Variants in TAFA2 observed in about 807,000 individuals in gnomAD.
TAFA2 encodes TAFA chemokine like family member 2.
Under a neutral mutation model 18.8 loss-of-function variants are expected in TAFA2, and 7 were observed. The observed-to-expected ratio is 0.37, with a 90% CI of 0.21 to 0.70. The LOEUF (loss-of-function observed/expected upper bound fraction) is 0.70, where lower values mean the gene tolerates loss of function less well. Ranked by LOEUF, TAFA2 falls within the 30% of genes least tolerant of loss-of-function variation. The pLI is 0.53. For missense variants in TAFA2, 122 were observed against 158.1 expected (o/e 0.77, Z 1.23); for synonymous variants, 60 against 54.2 (o/e 1.11, Z -0.47).
intron 1 of TAFA2, among the ~76,000 whole-genome samples, chr12:62,186,337 A>G (rs1413480122): frequency 6.6e-6 from 1 of 152,122 alleles, no homozygotes; most frequent in Non-Finnish European, 1.5e-5. Context: ...ATTTATTTAT[A>G]TTTAGTAAAA....
At chr12:61,800,644 A>C (rs1871365296) in intron 2 of TAFA2, among the ~76,000 whole-genome samples, 1 of 152,176 alleles carries the variant, frequency 6.6e-6, no homozygotes, top group South Asian at 2.1e-4. Flanking sequence ...AAAAAGGAGC[A>C]AAAGCAGCAA....
chr12:62,227,965 A>G (rs1010076067), intron 1 of TAFA2, among the ~76,000 whole-genome samples: 4 of 151,944 alleles, frequency 2.6e-5, no homozygotes, highest in African/African-American at 9.7e-5. Flanking sequence ...CCATGGGTCT[A>G]TGTATATGTT....
At chr12:62,118,868 A>C (rs1160613235) in intron 1 of TAFA2, among the ~76,000 whole-genome samples, 2 of 152,134 alleles carry the variant, frequency 1.3e-5, no homozygotes. Context: ...CGTTATGTAG[A>C]TTGTCAACTA....
At chr12:61,927,224 G>A (rs1278366813) in intron 1 of TAFA2, among the ~76,000 whole-genome samples, 1 of 152,094 alleles carries the variant, frequency 6.6e-6, no homozygotes, top group Admixed American at 6.5e-5. Context: ...AAGTCAAATA[G>A]TCTCTGTTTG....
At chr12:61,941,020 T>A (rs1877982320) in intron 1 of TAFA2, among the ~76,000 whole-genome samples, 1 of 152,218 alleles carries the variant, frequency 6.6e-6, no homozygotes, top group South Asian at 2.1e-4. Flanking sequence ...TTAAAACATA[T>A]CTGATTCAGT....
intron 1 of TAFA2, among the ~76,000 whole-genome samples, chr12:61,941,672 G>T (rs955795971): frequency 1.3e-5 from 2 of 152,196 alleles, no homozygotes; most frequent in Non-Finnish European, 2.9e-5. Flanking sequence ...TTCCCTTTCC[G>T]AGTCAAAGAA....
At position 61,723,093 on chromosome 12, in the gene TAFA2, T is replaced by G. The variant is rs1315905374; in HGVS notation, c.385-12676A>C. Among the ~76,000 whole-genome samples, 4 of 152,170 alleles carry G rather than the reference T, an allele frequency of 2.6e-5. 1 individual carries two copies. Among genetic ancestry groups the G allele is most frequent in the Non-Finnish European group, 5.9e-5 (4 of 68,032 alleles). On this transcript the variant is annotated intron_variant, in intron 4 of 4. Coordinates refer to ENST00000416284, the MANE Select transcript of TAFA2 (RefSeq NM_178539.5). ...ATGTGCCCATTCATGTCCCCTGATC[T>G]TTGTGTTTGTTTTAGCTTTGCCTAA...
chr12:61,721,366 A>G (rs887700862), intron 4 of TAFA2, among the ~76,000 whole-genome samples: 1 of 152,194 alleles, frequency 6.6e-6, no homozygotes, highest in Non-Finnish European at 1.5e-5. Flanking sequence ...TAATTCAAAG[A>G]TAAAATATTT....
At chr12:61,834,255 T>C (rs186420186) in intron 2 of TAFA2, among the ~76,000 whole-genome samples, 2 of 152,068 alleles carry the variant, frequency 1.3e-5, no homozygotes, top group African/African-American at 4.8e-5. Flanking sequence ...ATTCAGCTTA[T>C]AGGGATCTCC....
chr12:61,872,573 G>A (rs1388683900), intron 1 of TAFA2, among the ~76,000 whole-genome samples: 2 of 152,036 alleles, frequency 1.3e-5, no homozygotes, highest in Non-Finnish European at 2.9e-5. Context: ...ATTGAAATTA[G>A]AATAAAATAT....
chr12:62,130,667 G>C (rs900069209), intron 1 of TAFA2, among the ~76,000 whole-genome samples: 1 of 151,928 alleles, frequency 6.6e-6, no homozygotes, highest in Admixed American at 6.6e-5. Flanking sequence ...GCGGTTGACA[G>C]TATTTCCACA....
chr12:61,752,932 A>C (rs1869088251), intron 4 of TAFA2, among the ~76,000 whole-genome samples: 1 of 152,056 alleles, frequency 6.6e-6, no homozygotes, highest in Admixed American at 6.6e-5. Flanking sequence ...AATTCTATAA[A>C]GAAAAGAATT....
At chr12:61,776,757 TTC>T (rs1870279777) in intron 2 of TAFA2, among the ~76,000 whole-genome samples, 1 of 151,904 alleles carries the variant, frequency 6.6e-6, no homozygotes, top group African/African-American at 2.4e-5. Flanking sequence ...ATTTATATAT[TTC>T]TGTTTTGTTT....
intron 1 of TAFA2, among the ~76,000 whole-genome samples, chr12:61,946,595 T>C: frequency 4.9e-4 from 1 of 2,052 alleles, no homozygotes; most frequent in Admixed American, 3.3e-3. Context: ...TACAATGAAC[T>C]CAAACAAATT....
At chr12:62,157,650 A>G (rs1173722897) in intron 1 of TAFA2, among the ~76,000 whole-genome samples, 2 of 152,104 alleles carry the variant, frequency 1.3e-5, no homozygotes, top group Non-Finnish European at 2.9e-5. Context: ...AGTTTTCTAC[A>G]TGGCTGTCTC....
intron 4 of TAFA2, among the ~76,000 whole-genome samples, chr12:61,749,993 C>CCCCCCCCACA (rs1555161293): frequency 1.3e-5 from 2 of 148,880 alleles, no homozygotes; most frequent in African/African-American, 4.9e-5. Flanking sequence ...TCAAAACACC[C>CCCCCCCCACA]CACACACACA....
intron 2 of TAFA2, among the ~76,000 whole-genome samples, chr12:61,837,411 A>G (rs142835159): frequency 1.9e-4 from 29 of 152,184 alleles, no homozygotes; most frequent in African/African-American, 7.0e-4. Context: ...CTTAATCTAC[A>G]GGTAAAAAGC....
chr12:61,942,391 A>G (rs896996630), intron 1 of TAFA2, among the ~76,000 whole-genome samples: 7 of 151,628 alleles, frequency 4.6e-5, no homozygotes, highest in African/African-American at 9.7e-5. Context: ...TAAAACGCAG[A>G]GAGCCTCTCC....
chr12:61,871,933 A>T (rs1027307194), intron 1 of TAFA2, among the ~76,000 whole-genome samples: 1 of 152,118 alleles, frequency 6.6e-6, no homozygotes, highest in Non-Finnish European at 1.5e-5. Context: ...TCTACTAAAA[A>T]TACCAAAAAT....
Sources: allele counts gnomAD v4.1 joint callset (sites outside exome capture counted in the v4.1 genomes callset), GRCh38; gene constraint gnomAD v4.1.1; transcripts MANE v1.5; gene names NCBI Gene and HGNC (gene_info 2026-07-23, HGNC 2026-07-21).